Variants in ZDHHC11B observed in about 807,000 individuals in gnomAD.
ZDHHC11B encodes probable palmitoyltransferase ZDHHC11B.
ZDHHC11B carries 17 observed loss-of-function variants against 42.3 expected under a neutral mutation model. That is an observed-to-expected ratio of 0.40 (90% confidence interval 0.27 to 0.60). The LOEUF (loss-of-function observed/expected upper bound fraction) is 0.60. Ranked by LOEUF, ZDHHC11B falls within the 20% of genes least tolerant of loss-of-function variation. The pLI, the probability that ZDHHC11B is intolerant of heterozygous loss-of-function variation, is 0.41. For missense variants in ZDHHC11B, 262 were observed against 463.2 expected (o/e 0.57, Z 3.99); for synonymous variants, 123 against 193.5 (o/e 0.64, Z 3.02).
At chr5:764,559 G>T (rs1238222852) in intron 4 of ZDHHC11B, among the ~76,000 whole-genome samples, 19 of 152,046 alleles carry the variant, frequency 1.2e-4, no homozygotes, top group African/African-American at 4.6e-4. Context: ...GTCTGCTGTA[G>T]CTGTGCTCAA....
chr5:754,446 G>T (rs1377287865), intron 6 of ZDHHC11B, among the ~76,000 whole-genome samples: 10 of 125,952 alleles, frequency 7.9e-5, no homozygotes, highest in South Asian at 3.4e-4. Context: ...CCATGCTCAG[G>T]GGAAAGACCT....
At chr5:767,014 C>G (rs563885872) in intron 3 of ZDHHC11B, 95 bp from the exon 4 acceptor site, 1 of 1,404,888 alleles carries the variant, frequency 7.1e-7, no homozygotes, top group Non-Finnish European at 9.8e-7. Flanking sequence ...GGGAACATGG[C>G]CCCCAGGACC....
At position 784,727 on chromosome 5, in the gene ZDHHC11B, T is replaced by C. The variant is rs1394334348; in HGVS notation, c.-289A>G. 6.8e-6 allele frequency among the ~76,000 whole-genome samples: 1 copy of C among 147,808 alleles called. No individual in the cohort carries two copies. ...CGCGACCCGGCCGCGCGCGACCAAG[T>C]GCTCAGCGCAGCGCTCCCCCTGCCG... On this transcript the variant is annotated 5_prime_UTR_variant, in exon 1 of 14. Transcript: ENST00000508859.
intron 1 of ZDHHC11B, among the ~76,000 whole-genome samples, chr5:778,588 G>C (rs1192151364): frequency 1.3e-5 from 2 of 151,876 alleles, no homozygotes; most frequent in African/African-American, 4.8e-5. Flanking sequence ...GGTTACCCTT[G>C]GGGCTCAGGG....
chr5:743,686 C>T (rs570830542), intron 9 of ZDHHC11B, among the ~76,000 whole-genome samples: 6 of 149,666 alleles, frequency 4.0e-5, no homozygotes, highest in East Asian at 2.0e-4. Flanking sequence ...AAATATAACC[C>T]GGAGTTTTCA....
chr5:775,934 G>C (rs111659396), intron 1 of ZDHHC11B, among the ~76,000 whole-genome samples: 3,081 of 144,628 alleles, frequency 0.021, 109 homozygotes, highest in African/African-American at 0.076. Flanking sequence ...AGCTGTCCCA[G>C]GCCCTGCAGG....
chr5:773,257 G>A (rs1338081770), intron 1 of ZDHHC11B, among the ~76,000 whole-genome samples: 1 of 151,932 alleles, frequency 6.6e-6, no homozygotes, highest in African/African-American at 2.4e-5. Context: ...GATGGGCAGA[G>A]GCCAGGTGTC....
chr5:774,476 A>G (rs2455366), intron 1 of ZDHHC11B, among the ~76,000 whole-genome samples: 11,279 of 69,026 alleles, frequency 0.16, 10 homozygotes, highest in African/African-American at 0.41. Flanking sequence ...TAGGGCCGGG[A>G]CCTGTCCCTT....
intron 1 of ZDHHC11B, among the ~76,000 whole-genome samples, chr5:780,778 T>C (rs1314870695): frequency 6.6e-6 from 1 of 151,866 alleles, no homozygotes; most frequent in African/African-American, 2.4e-5. Flanking sequence ...CCCCAGTGGC[T>C]CTGTCCATGG....
chr5:756,971 C>T (rs1733945230), intron 4 of ZDHHC11B, among the ~76,000 whole-genome samples: 2 of 151,794 alleles, frequency 1.3e-5, no homozygotes, highest in African/African-American at 2.4e-5. Context: ...GGGCTCGGAG[C>T]CTGGCTGTGG....
chr5:761,165 G>A (rs542761571), intron 4 of ZDHHC11B, among the ~76,000 whole-genome samples: 1,029 of 150,904 alleles, frequency 6.8e-3, no homozygotes, highest in African/African-American at 0.025. Context: ...CCTTGACCAC[G>A]GTCCGATCAC....
rs571873967 is a variant in ZDHHC11B, at chr5:732,660, C to T, written c.1023+1092G>A. ...GAAATCCTGGGGAAGTGCGGTGAGG[C>T]GGCCCTGCCCCCACAGGGAAGGACA... On this transcript the variant is annotated intron_variant, in intron 11 of 13. Coordinates refer to ENST00000508859, the MANE Select transcript of ZDHHC11B (RefSeq NM_001351303.2). 164 of 450,616 alleles carry T rather than the reference C, an allele frequency of 3.6e-4. 2 individuals are homozygous for T. The highest frequency in any genetic ancestry group is 2.6e-3 in the African/African-American group (129 of 49,664). The allele number at this position is 450,616 out of a possible 1,614,324, so 27.9% of individuals were successfully genotyped here.
At chr5:717,824 AGGG>A (rs1741869876) in intron 12 of ZDHHC11B, among the ~76,000 whole-genome samples, 1 of 151,814 alleles carries the variant, frequency 6.6e-6, no homozygotes, top group Non-Finnish European at 1.5e-5. Context: ...TCAGCTGGGC[AGGG>A]CTCCTGATGG....
intron 8 of ZDHHC11B, among the ~76,000 whole-genome samples, chr5:745,554 C>T (rs55716707): frequency 0.34 from 49,695 of 146,864 alleles, 8,564 homozygotes; most frequent in East Asian, 0.52. Flanking sequence ...CAGGCCCCCC[C>T]GCCTGCCAAG....
chr5:777,330 C>G (rs1389661244), intron 1 of ZDHHC11B, among the ~76,000 whole-genome samples: 3 of 151,858 alleles, frequency 2.0e-5, no homozygotes, highest in East Asian at 3.9e-4. Flanking sequence ...GTGAGTGTTA[C>G]TTACGCCTCT....
chr5:762,224 C>T (rs1381174948), intron 4 of ZDHHC11B, among the ~76,000 whole-genome samples: 6 of 151,162 alleles, frequency 4.0e-5, no homozygotes, highest in Admixed American at 1.3e-4. Context: ...CAGCCACTCA[C>T]AGCCCAGATG....
At chr5:743,285 G>A (rs1561139352) in intron 9 of ZDHHC11B, among the ~76,000 whole-genome samples, 1 of 149,536 alleles carries the variant, frequency 6.7e-6, no homozygotes, top group African/African-American at 2.5e-5. Flanking sequence ...CTATGTCAGC[G>A]CCACCTGTCT....
chr5:773,111 C>T (rs1736190886), intron 1 of ZDHHC11B, among the ~76,000 whole-genome samples: 1 of 151,806 alleles, frequency 6.6e-6, no homozygotes, highest in Admixed American at 6.6e-5. Context: ...GCTGTTTCCA[C>T]AATGACGGTA....
intron 13 of ZDHHC11B, among the ~76,000 whole-genome samples, chr5:712,812 G>C (rs1445413954): frequency 2.6e-5 from 4 of 151,756 alleles, no homozygotes; most frequent in Non-Finnish European, 4.4e-5. Flanking sequence ...GGGAGGCTGA[G>C]GCAGGAGAAT....
Sources: gnomAD v4.1 joint callset for allele counts (sites outside exome capture counted in the v4.1 genomes callset) on GRCh38, gnomAD v4.1.1 for gene constraint, MANE v1.5 for transcripts, NCBI Gene and HGNC (gene_info 2026-07-23, HGNC 2026-07-21) for gene names.